The following NKTR variants were observed in gnomAD, a reference collection of about 807,000 sequenced individuals.
NKTR encodes the protein natural killer cell triggering receptor.
Under a neutral mutation model 156.3 loss-of-function variants are expected in NKTR, and 67 were observed. The ratio of observed to expected loss-of-function variants is 0.43; its 90% confidence interval spans 0.35 to 0.53. The LOEUF is 0.53. NKTR is among the 20% of genes least tolerant of loss of function. The pLI is 0.01. For synonymous variants in NKTR, 640 were observed against 596.6 expected (o/e 1.07, Z -1.06); for missense variants, 1,604 against 1,730.9 (o/e 0.93, Z 1.30).
At chr3:42,633,481 A>G (rs1709099416) in intron 9 of NKTR, 99 bp from the exon 10 acceptor site, 8 of 1,493,068 alleles carry the variant, frequency 5.4e-6, no homozygotes, top group East Asian at 2.4e-5. Context: ...CTTGTAAGCT[A>G]TCGTTAATTA....
chr3:42,606,572 C>G lies in NKTR; in HGVS notation c.58+5508C>G, dbSNP rs550459695. Among the ~76,000 whole-genome samples, 4 of 152,182 alleles carry G rather than the reference C, an allele frequency of 2.6e-5. No individual in the cohort carries two copies. In the East Asian group the frequency reaches 7.7e-4, roughly 29 times the overall value. On this transcript the variant is annotated intron_variant, in intron 2 of 16. Coordinates refer to ENST00000232978, the MANE Select transcript of NKTR (RefSeq NM_005385.4). Reference sequence around the variant, plus strand: ...GAAATCCTGAATTCTTGCTTTCACTCCCTATGTATGTATACTTGTACAAAG... The same window carrying G: ...GAAATCCTGAATTCTTGCTTTCACTGCCTATGTATGTATACTTGTACAAAG...
Position 42,637,896 on chromosome 3 carries a change from A to C in NKTR, c.2192A>C (p.Lys731Thr), listed in dbSNP as rs956809573. Residue 731 changes from lysine to threonine, a missense_variant, in exon 13 of 17, where the codon AAA (lysine) becomes ACA (threonine). Coordinates refer to ENST00000232978, the MANE Select transcript of NKTR (RefSeq NM_005385.4). The part of the protein sequence containing the change: ...SPSSRSHSRN[K>T]YSDHSQCSRS... ...TCATCTAGATCTCATTCACGAAATA[A>C]ATACAGTGATCATTCACAGTGTAGT... 6.2e-7 allele frequency: 1 copy of C among 1,613,994 alleles called. No homozygotes were observed. The highest frequency in any genetic ancestry group is 1.3e-5 in the African/African-American group (1 of 74,936).
At chr3:42,602,317 AGTAGGCC>A (rs1359673179) in intron 2 of NKTR, 1 of 152,198 alleles carries the variant, frequency 6.6e-6, no homozygotes, top group African/African-American at 2.4e-5. Flanking sequence ...TTAGGTGTGT[AGTAGGCC>A]GTACCATCTA....
rs1707657756 is a variant in NKTR at position 42,618,933 on chromosome 3, T to G, written c.134-87T>G. The G allele has an allele frequency of 8.7e-6, 10 of 1,147,348 alleles. No homozygotes were observed. The South Asian group carries it at 1.6e-4, about 18-fold the overall frequency. 71.1% of individuals were successfully genotyped at this position (1,147,348 alleles called of 1,614,324 possible). On this transcript the variant is annotated intron_variant, in intron 3 of 16. Transcript: ENST00000232978. ...CCAGTGCCTAGCACACAGGAAAGAT[T>G]TGACACAGGATTAATTGGTTTGTTC...
intron 4 of NKTR, 173 bp downstream of exon 4, chr3:42,619,300 A>G: frequency 1.4e-6 from 2 of 1,392,126 alleles, no homozygotes; most frequent in South Asian, 3.5e-5. Context: ...AAAGCAAAGT[A>G]CCACGTAAGA....
chr3:42,645,995 A>T lies in NKTR; in HGVS notation c.*20A>T. ...AGTTGAAAACGTCCGGATACAAATT[A>T]TATCTTATTTGTAAATATCTGGCAA... On this transcript the variant is annotated 3_prime_UTR_variant, in exon 17 of 17. Coordinates refer to ENST00000232978, the MANE Select transcript of NKTR (RefSeq NM_005385.4). 6.4e-7 allele frequency: 1 copy of T among 1,565,418 alleles called. No homozygotes were observed. Among genetic ancestry groups the T allele is most frequent in the Non-Finnish European group, 8.8e-7 (1 of 1,137,024 alleles).
At position 42,637,547 on chromosome 3, in the gene NKTR, C is replaced by T; in HGVS notation, c.1843C>T (p.Pro615Ser). The change falls in exon 13 of 17, where the codon CCC (proline) becomes TCC (serine). Residue 615 changes from proline to serine, a missense_variant. Physicochemically the swap from Pro to Ser is moderately conservative, Grantham distance 74 (BLOSUM62 -1). Transcript: ENST00000232978. ...IPVIPLSDSP[P>S]PSRWKPGQKP... is the part of the protein sequence containing the mutation. ...TGTAATACCACTGAGTGACAGTCCCCCCCCTTCAAGATGGAAGCCTGGACA... is the reference window on the plus strand; with the variant it reads ...TGTAATACCACTGAGTGACAGTCCCTCCCCTTCAAGATGGAAGCCTGGACA... The T allele has an allele frequency of 6.2e-7, 1 of 1,613,970 alleles. No homozygotes were observed. The highest frequency in any genetic ancestry group is 8.5e-7 in the Non-Finnish European group (1 of 1,179,984).
At chr3:42,643,580 C>A in intron 15 of NKTR, 185 bp downstream of exon 15, 1 of 627,988 alleles carries the variant, frequency 1.6e-6, no homozygotes, top group Non-Finnish European at 2.9e-6. Flanking sequence ...ACTCCAGTGT[C>A]AAAAATGACA....
intron 11 of NKTR, 46 bp from the exon 12 acceptor site, chr3:42,635,175 T>C: frequency 6.4e-7 from 1 of 1,551,008 alleles, no homozygotes; most frequent in Non-Finnish European, 8.8e-7. Context: ...TAGCAGACTG[T>C]CGTGGAGAGG....
rs1344721749 is a variant in NKTR at position 42,617,610 on chromosome 3, A to C, written c.99A>C (p.Pro33=). Reference sequence around the variant, plus strand: ...TTCAGCTCTTCTCAGACATATGTCCAAAAACATGCAAAAACTTCCTTTGCT... The same window carrying C: ...TTCAGCTCTTCTCAGACATATGTCCCAAAACATGCAAAAACTTCCTTTGCT... ...IMFQLFSDIC[P]KTCKNFLCLC... is the part of the protein sequence containing the mutation. Residue 33 remains proline, a synonymous_variant, in exon 3 of 17, where the codon CCA becomes CCC. Coordinates refer to ENST00000232978, the MANE Select transcript of NKTR (RefSeq NM_005385.4). 5.0e-6 allele frequency: 8 copies of C among 1,601,332 alleles called. No homozygotes were observed. The South Asian group carries it at 6.6e-5, about 13-fold the overall frequency.
In NKTR at chr3:42,632,739, C is replaced by G. The variant is rs1326769292; in HGVS notation, c.689C>G (p.Pro230Arg). Reference sequence around the variant, plus strand: ...AGAAGGAGGAAACATAAGAGGAGGCCAAAAGTTAAACGTTCTAAAAAGAGG... The same window carrying G: ...AGAAGGAGGAAACATAAGAGGAGGCGAAAAGTTAAACGTTCTAAAAAGAGG... ...RSRRRKHKRR[P>R]KVKRSKKRRK... The change falls in exon 9 of 17, where the codon CCA (proline) becomes CGA (arginine). Residue 230 changes from proline to arginine, a missense_variant. Transcript: ENST00000232978. The G allele has an allele frequency of 7.4e-6, 12 of 1,612,246 alleles. No homozygotes were observed. The highest frequency in any genetic ancestry group is 9.3e-6 in the Non-Finnish European group (11 of 1,179,516).
At chr3:42,643,009 T>C (rs564993391) in intron 14 of NKTR, among the ~76,000 whole-genome samples, 1 of 152,172 alleles carries the variant, frequency 6.6e-6, no homozygotes, top group African/African-American at 2.4e-5. Context: ...CTTCTTTCCC[T>C]CTTTTGCATC....
intron 6 of NKTR, among the ~76,000 whole-genome samples, chr3:42,626,516 TTC>T (rs958025980): frequency 1.2e-4 from 18 of 152,292 alleles, no homozygotes; most frequent in African/African-American, 3.6e-4. Context: ...TGCCTTTTTA[TTC>T]TCTGAGAAGG....
At chr3:42,632,057 A>T (rs572917745) in intron 8 of NKTR, among the ~76,000 whole-genome samples, 2 of 142,304 alleles carry the variant, frequency 1.4e-5, no homozygotes, top group East Asian at 4.3e-4. Flanking sequence ...CATATTATGC[A>T]ATTCTTTTTT....
At chr3:42,608,503 C>T (rs191082010) in intron 2 of NKTR, among the ~76,000 whole-genome samples, 58 of 152,272 alleles carry the variant, frequency 3.8e-4, no homozygotes, top group Admixed American at 5.9e-4. Flanking sequence ...CTGGACATGT[C>T]GCCCTCCCTC....
chr3:42,622,407 A>T (rs1264322088), intron 6 of NKTR, among the ~76,000 whole-genome samples: 1 of 152,072 alleles, frequency 6.6e-6, no homozygotes, highest in African/African-American at 2.4e-5. Context: ...ATATTTCATT[A>T]ATAATTTATT....
In NKTR at chr3:42,619,013, T is replaced by G. The variant is rs1159717239; in HGVS notation, c.134-7T>G. The G allele has an allele frequency of 6.4e-7, 1 of 1,566,266 alleles. No individual in the cohort carries two copies. The highest frequency in any genetic ancestry group is 1.4e-5 in the African/African-American group (1 of 71,704). ...ACTTCATTTCTTTTTTTTTTTTTTT[T>G]TTCCAGGAGAGAAAGGCCTTGGGAA... On this transcript the variant is annotated splice_region_variant and splice_polypyrimidine_tract_variant and intron_variant, in intron 3 of 16. Coordinates refer to ENST00000232978, the MANE Select transcript of NKTR (RefSeq NM_005385.4).
At position 42,643,903 on chromosome 3, in the gene NKTR, T is replaced by G; in HGVS notation, c.4201T>G (p.Ser1401Ala). ...SSYDPHSRSR[S>A]YTYDSYYSRS... ...TGTTTGTTGTTGCCGTTAAAGCAGG[T>G]CCTACACCTACGATAGCTACTATAG... Residue 1401 changes from serine to alanine, a missense_variant and splice_region_variant, in exon 16 of 17, where the codon TCC becomes GCC. Ser to Ala is a moderately conservative substitution (Grantham distance 99, BLOSUM62 1). Around this residue, in one of 6 missense-constraint regions of NKTR, gnomAD observed 193 missense variants for 220.2 expected, o/e 0.88. Transcript: ENST00000232978. The G allele has an allele frequency of 6.2e-7, 1 of 1,612,246 alleles. No individual in the cohort carries two copies.
intron 9 of NKTR, 103 bp from the exon 10 acceptor site, chr3:42,633,477 A>G: frequency 6.8e-7 from 1 of 1,481,130 alleles, no homozygotes. Context: ...GAGACTTGTA[A>G]GCTATCGTTA....
Sources: gnomAD v4.1 joint callset for allele counts (sites outside exome capture counted in the v4.1 genomes callset) on GRCh38, gnomAD v4.1.1 for gene constraint, gnomAD v4.1.1 regional missense constraint, MANE v1.5 for transcripts, NCBI Gene and HGNC (gene_info 2026-07-23, HGNC 2026-07-21) for gene names.